MPG: variants seen among roughly 807,000 people sequenced by gnomAD.
MPG encodes DNA-3-methyladenine glycosylase.
Under a neutral mutation model 31.7 loss-of-function variants are expected in MPG, and 33 were observed. That is an observed-to-expected ratio of 1.04 (90% CI 0.79 to 1.39). The LOEUF (loss-of-function observed/expected upper bound fraction) is 1.39. Among genes scored for constraint, MPG ranks in the 40% most tolerant of loss-of-function variants. The pLI is 0.00. For synonymous variants in MPG, 202 were observed against 169.2 expected (o/e 1.19, Z -1.51); for missense variants, 455 against 415.5 (o/e 1.10, Z -0.83).
chr16:83,138 C>A lies in MPG; in HGVS notation c.387C>A (p.Ala129=). 6.2e-7 allele frequency: 1 copy of A among 1,613,150 alleles called. No homozygotes were observed. Among genetic ancestry groups the A allele is most frequent in the Non-Finnish European group, 8.5e-7 (1 of 1,179,926 alleles). The change falls in exon 3 of 4, where the codon GCC becomes GCA. Residue 129 remains alanine (A), a synonymous_variant. Transcript: ENST00000356432. ...CATACCTGGGGCCAGAGGATGAAGC[C>A]GCCCACTCAAGGGGTGGCCGGCAGA... ...TEAYLGPEDE[A]AHSRGGRQTP...
intron 2 of MPG, among the ~76,000 whole-genome samples, chr16:81,118 C>G (rs773484835): frequency 1.3e-5 from 2 of 152,176 alleles, no homozygotes; most frequent in African/African-American, 2.4e-5. Flanking sequence ...TGCACTCATC[C>G]CTAAAAGGGT....
chr16:85,300 G>C (rs746483066), intron 3 of MPG, 101 bp from the exon 4 acceptor site: 11 of 1,395,398 alleles, frequency 7.9e-6, no homozygotes, highest in Non-Finnish European at 9.6e-6. Context: ...AGGCAGGAAG[G>C]CAGCTGCACC....
At chr16:77,892 C>T (rs1898130303), upstream of MPG, among the ~76,000 whole-genome samples, 1 of 152,024 alleles carries the variant, frequency 6.6e-6, no homozygotes, top group Non-Finnish European at 1.5e-5. Context: ...AGGTTCACGA[C>T]GGGCCCGTCC....
At position 78,353 on chromosome 16, in the gene MPG, G is replaced by GC; in HGVS notation, c.24+24dup. 1 of 1,234,452 alleles carries GC rather than the reference G, an allele frequency of 8.1e-7. No homozygotes were observed. The highest frequency in any genetic ancestry group is 1.0e-6 in the Non-Finnish European group (1 of 989,790). The allele number at this position is 1,234,452 out of a possible 1,614,324, so 76.5% of individuals were successfully genotyped here. A position where few individuals can be genotyped will look rare whatever the true frequency, so the allele number is the denominator to read the frequency against. ...GCCCAGGTGAGCGCGCGCCTCGGCCGCCCCGCGGAACAGACGCGCCCACCC... is the reference window on the plus strand; with the variant it reads ...GCCCAGGTGAGCGCGCGCCTCGGCCGCCCCCGCGGAACAGACGCGCCCACCC... On this transcript the variant is annotated intron_variant, in intron 1 of 3. Transcript: ENST00000356432.
At chr16:77,023 C>A (rs1489993029), upstream of MPG, 1 of 152,232 alleles carries the variant, frequency 6.6e-6, no homozygotes. Context: ...CCAGGTGTCA[C>A]ACTCATCTGA....
At chr16:82,657 G>A (rs1341460465) in intron 2 of MPG, among the ~76,000 whole-genome samples, 3 of 152,212 alleles carry the variant, frequency 2.0e-5, no homozygotes, top group Non-Finnish European at 2.9e-5. Flanking sequence ...TGTGCCTTCC[G>A]TGATGCCTGG....
At position 78,256 on chromosome 16, in the gene MPG, G is replaced by A; in HGVS notation, c.-54G>A. 2 of 1,365,976 alleles carry A rather than the reference G, an allele frequency of 1.5e-6. No individual in the cohort carries two copies. The highest frequency in any genetic ancestry group is 9.5e-7 in the Non-Finnish European group (1 of 1,055,438). 84.6% of individuals were successfully genotyped at this position (1,365,976 alleles called of 1,614,324 possible). On this transcript the variant is annotated 5_prime_UTR_variant, in exon 1 of 4. Transcript: ENST00000356432. ...AGGGGTGCTTCCGTGGTCGGCGGCTGCTGGGCTCCGCGCCGGGGTCCGAGT... is the reference window on the plus strand; with the variant it reads ...AGGGGTGCTTCCGTGGTCGGCGGCTACTGGGCTCCGCGCCGGGGTCCGAGT...
intron 2 of MPG, 108 bp from the exon 3 acceptor site, chr16:82,943 TG>T: frequency 1.1e-6 from 1 of 942,614 alleles, no homozygotes; most frequent in South Asian, 1.6e-5. Flanking sequence ...TGGCTAGACC[TG>T]GGCGGCTGAC....
chr16:81,315 G>T (rs185973771), intron 2 of MPG, among the ~76,000 whole-genome samples: 25 of 152,298 alleles, frequency 1.6e-4, no homozygotes, highest in Admixed American at 1.4e-3. Flanking sequence ...AGAAATTTGG[G>T]ATGGAAAAGG....
rs762443895 is a variant in MPG, at chr16:85,794, G to A, written c.*17G>A. ...CAGGCCTGAGCAAAGGGCCTGCCCA[G>A]ACAAGATTTTTTAATTGTTTAAAAA... On this transcript the variant is annotated 3_prime_UTR_variant, in exon 4 of 4. Transcript: ENST00000356432. 2.3e-5 allele frequency: 34 copies of A among 1,460,786 alleles called. No individual in the cohort carries two copies. Among genetic ancestry groups the A allele is most frequent in the Non-Finnish European group, 3.1e-5 (34 of 1,104,322 alleles). 90.5% of individuals were successfully genotyped at this position (1,460,786 alleles called of 1,614,324 possible).
At chr16:77,605 G>A (rs1447225561), upstream of MPG, among the ~76,000 whole-genome samples, 1 of 152,202 alleles carries the variant, frequency 6.6e-6, no homozygotes, top group Non-Finnish European at 1.5e-5. Context: ...ATCCCTGGGC[G>A]GAAAGAGGGA....
At chr16:85,288 C>T (rs1898397136) in intron 3 of MPG, 113 bp from the exon 4 acceptor site, 1 of 1,315,830 alleles carries the variant, frequency 7.6e-7, no homozygotes, top group African/African-American at 1.5e-5. Context: ...GGTCCCTGGC[C>T]CAGGCAGGAA....
chr16:82,712 G>A (rs1898283804), intron 2 of MPG, among the ~76,000 whole-genome samples: 1 of 152,236 alleles, frequency 6.6e-6, no homozygotes, highest in African/African-American at 2.4e-5. Flanking sequence ...ACTTGGGAAA[G>A]GAGGAATCTG....
Position 79,601 on chromosome 16 carries a change from C to T in MPG, c.201C>T (p.Arg67=). Reference sequence around the variant, plus strand: ...CGCCCACCACTCCGGGCCCATACCGCAGCATCTATTTCTCAAGCCCAAAGG... The same window carrying T: ...CGCCCACCACTCCGGGCCCATACCGTAGCATCTATTTCTCAAGCCCAAAGG... The part of the protein sequence containing the change: ...LGPPTTPGPY[R]SIYFSSPKGH... The change falls in exon 2 of 4, where the codon CGC becomes CGT. Residue 67 remains arginine, a synonymous_variant. Transcript: ENST00000356432. 1 of 1,606,972 alleles carries T rather than the reference C, an allele frequency of 6.2e-7. No individual in the cohort carries two copies. The highest frequency in any genetic ancestry group is 8.5e-7 in the Non-Finnish European group (1 of 1,176,682).
chr16:81,482 C>A (rs1345063724), intron 2 of MPG, among the ~76,000 whole-genome samples: 1 of 152,160 alleles, frequency 6.6e-6, no homozygotes, highest in African/African-American at 2.4e-5. Flanking sequence ...CACCCTTTCT[C>A]CCCTGGACAT....
chr16:83,288 G>A (rs773794717), intron 3 of MPG, 32 bp downstream of exon 3: 5 of 1,589,458 alleles, frequency 3.1e-6, no homozygotes, highest in Non-Finnish European at 4.3e-6. Flanking sequence ...GGGGTTGGAG[G>A]GCCGGCAGAG....
At chr16:83,532 G>A in intron 3 of MPG, 1 of 375,068 alleles carries the variant, frequency 2.7e-6, no homozygotes, top group Non-Finnish European at 4.9e-6. Context: ...CCTGAGGTCA[G>A]GAGTTCGACA....
At position 85,585 on chromosome 16, in the gene MPG, C is replaced by A; in HGVS notation, c.690C>A (p.Asp230Glu). The change falls in exon 4 of 4, where the codon GAC (aspartate) becomes GAA (glutamate). Residue 230 changes from aspartate (D) to glutamate (E), a missense_variant. By Grantham distance (45) the Asp-to-Glu change is conservative. Transcript: ENST00000356432. Reference sequence around the variant, plus strand: ...TCAACAAGAGCTTTGACCAGAGGGACCTGGCACAGGATGAAGCTGTATGGC... The same window carrying A: ...TCAACAAGAGCTTTGACCAGAGGGAACTGGCACAGGATGAAGCTGTATGGC... Reference protein sequence around the residue: ...LAINKSFDQRDLAQDEAVWLE... With the variant: ...LAINKSFDQRELAQDEAVWLE... 2.5e-6 allele frequency: 4 copies of A among 1,613,116 alleles called. No homozygotes were observed. Among genetic ancestry groups the A allele is most frequent in the Non-Finnish European group, 3.4e-6 (4 of 1,179,720 alleles).
chr16:79,796 T>TA, intron 2 of MPG, 96 bp downstream of exon 2: 1 of 1,364,420 alleles, frequency 7.3e-7, no homozygotes, highest in Non-Finnish European at 1.0e-6. Flanking sequence ...GGCCCTCAGT[T>TA]AGTCCTCCTT....
Sources: gnomAD v4.1 joint callset for allele counts (sites outside exome capture counted in the v4.1 genomes callset) on GRCh38, gnomAD v4.1.1 for gene constraint, MANE v1.5 for transcripts, NCBI Gene and HGNC (gene_info 2026-07-23, HGNC 2026-07-21) for gene names.